The following CAPN10 variants were observed in gnomAD, a reference collection of about 807,000 sequenced individuals.
CAPN10 encodes the protein calpain-10.
CAPN10 carries 71 observed loss-of-function variants against 78.4 expected under a neutral mutation model. That is an observed-to-expected ratio of 0.91 (90% CI 0.75 to 1.10). The LOEUF (loss-of-function observed/expected upper bound fraction) is 1.10. CAPN10 is among the 50% of genes least tolerant of loss of function. CAPN10 has a pLI of 0.00. For synonymous variants in CAPN10, 437 were observed against 407.2 expected (o/e 1.07, Z -0.88); for missense variants, 849 against 924.6 (o/e 0.92, Z 1.06).
rs987378174 is a variant in CAPN10, at chr2:240,598,172, C to G, written c.1943+85C>G. 8 of 1,401,060 alleles carry G rather than the reference C, an allele frequency of 5.7e-6. No individual in the cohort carries two copies. In the African/African-American group the frequency reaches 7.1e-5, roughly 12 times the overall value. 86.8% of individuals were successfully genotyped at this position (1,401,060 alleles called of 1,614,324 possible). A position where few individuals can be genotyped will look rare whatever the true frequency, so the allele number is the denominator to read the frequency against. On this transcript the variant is annotated intron_variant, in intron 10 of 11. Transcript: ENST00000391984. ...TCGCCTGTCCCCCCACGTCTCCTGC[C>G]TGCCCCTCACCCTCAAGCCCCTATC... is the stretch of plus-strand genomic sequence containing the variant.
chr2:240,592,966 C>G (rs1217310082), intron 4 of CAPN10: 1 of 158,232 alleles, frequency 6.3e-6, no homozygotes, highest in Admixed American at 6.4e-5. Context: ...TAAACTGAAA[C>G]AAGTTGTCAT....
Position 240,599,007 on chromosome 2 carries a change from C to T in CAPN10, c.*327C>T, listed in dbSNP as rs923716242. ...TGACTCCATATGGAGGCCTCACACC[C>T]AGAGGGTAGGGCAGCAGATCTTCTT... On this transcript the variant is annotated 3_prime_UTR_variant, in exon 12 of 12. Coordinates refer to ENST00000391984, the MANE Select transcript of CAPN10 (RefSeq NM_023083.4). 1.1e-5 allele frequency: 5 copies of T among 467,056 alleles called. No homozygotes were observed. Among genetic ancestry groups the T allele is most frequent in the Non-Finnish European group, 1.5e-5 (4 of 260,276 alleles). 28.9% of individuals were successfully genotyped at this position (467,056 alleles called of 1,614,324 possible). A position where few individuals can be genotyped will look rare whatever the true frequency, so the allele number is the denominator to read the frequency against.
In CAPN10 at chr2:240,596,861, C is replaced by G. The variant is rs768412786; in HGVS notation, c.1662C>G (p.Pro554=). The change falls in exon 9 of 12, where the codon CCC becomes CCG. Residue 554 remains proline (P), a synonymous_variant. Coordinates refer to ENST00000391984, the MANE Select transcript of CAPN10 (RefSeq NM_023083.4). ...FPFSVPEGPG[P]RCVRITLHQH... Reference sequence around the variant, plus strand: ...TCTCGGTCCCCGAGGGCCCTGGCCCCCGCTGCGTCCGCATCACTCTGCATC... The same window carrying G: ...TCTCGGTCCCCGAGGGCCCTGGCCCGCGCTGCGTCCGCATCACTCTGCATC... 6.2e-7 allele frequency: 1 copy of G among 1,613,590 alleles called. No homozygotes were observed. The highest frequency in any genetic ancestry group is 1.7e-5 in the Admixed American group (1 of 60,022).
At chr2:240,597,518 C>T (rs1559427460) in intron 9 of CAPN10, among the ~76,000 whole-genome samples, 1 of 152,210 alleles carries the variant, frequency 6.6e-6, no homozygotes, top group Non-Finnish European at 1.5e-5. Flanking sequence ...CCTCGGTTCA[C>T]AGTGGGCTGC....
chr2:240,597,677 C>T (rs1228845103), intron 9 of CAPN10, among the ~76,000 whole-genome samples: 1 of 152,162 alleles, frequency 6.6e-6, no homozygotes, highest in African/African-American at 2.4e-5. Context: ...TGTGACAGGC[C>T]TCCAGGCGGG....
chr2:240,596,486 G>A lies in CAPN10; in HGVS notation c.1446G>A (p.Leu482=). The A allele has an allele frequency of 6.2e-7, 1 of 1,611,716 alleles. No homozygotes were observed. The highest frequency in any genetic ancestry group is 8.5e-7 in the Non-Finnish European group (1 of 1,178,390). The change falls in exon 8 of 12, where the codon CTG becomes CTA. Residue 482 remains leucine, a synonymous_variant. Transcript: ENST00000391984. ...TFLKDAPGEF[L]LRVFSTGRVS... ...TGAAGGACGCGCCAGGGGAGTTCCTGCTCCGAGTCTTCTCTACCGGGCGAG... is the reference window on the plus strand; with the variant it reads ...TGAAGGACGCGCCAGGGGAGTTCCTACTCCGAGTCTTCTCTACCGGGCGAG...
chr2:240,595,815 G>A, intron 7 of CAPN10: 1 of 625,116 alleles, frequency 1.6e-6, no homozygotes, highest in Non-Finnish European at 2.7e-6. Context: ...GGTTCACAAA[G>A]TGTGTTGTTT....
chr2:240,597,929 G>T lies in CAPN10; in HGVS notation c.1785G>T (p.Leu595=). The change falls in exon 10 of 12, where the codon CTG becomes CTT. Residue 595 remains leucine, a synonymous_variant. Transcript: ENST00000391984. Reference sequence around the variant, plus strand: ...GGAGCCAGGACGCACCCCCACTGCTGCTGCAGGAGCCGCTGCTGAGCTGCG... The same window carrying T: ...GGAGCCAGGACGCACCCCCACTGCTTCTGCAGGAGCCGCTGCTGAGCTGCG... ...GGRSQDAPPL[L]LQEPLLSCVP... 1 of 1,611,976 alleles carries T rather than the reference G, an allele frequency of 6.2e-7. No individual in the cohort carries two copies.
At position 240,596,388 on chromosome 2, in the gene CAPN10, G is replaced by C; in HGVS notation, c.1348G>C (p.Ala450Pro). 1.2e-6 allele frequency: 2 copies of C among 1,613,338 alleles called. No individual in the cohort carries two copies. The highest frequency in any genetic ancestry group is 1.7e-6 in the Non-Finnish European group (2 of 1,179,880). ...MPPVAGTACH[A>P]YDREVHLRCE... ...CCCCGTGGCTGGCACCGCGTGCCATGCATACGACCGGGAGGTCCACCTGCG... is the reference window on the plus strand; with the variant it reads ...CCCCGTGGCTGGCACCGCGTGCCATCCATACGACCGGGAGGTCCACCTGCG... The change falls in exon 8 of 12, where the codon GCA (alanine) becomes CCA (proline). Residue 450 changes from alanine to proline, a missense_variant. Physicochemically the swap from Ala to Pro is conservative, Grantham distance 27. Transcript: ENST00000391984.
At position 240,590,890 on chromosome 2, in the gene CAPN10, G is replaced by C. The variant is rs2093097648; in HGVS notation, c.349G>C (p.Gly117Arg). Reference sequence around the variant, plus strand: ...CTTCACCTGTCGCATTTGGCAGTTTGGACGCTGGGTGGAGGTGACCACAGA... The same window carrying C: ...CTTCACCTGTCGCATTTGGCAGTTTCGACGCTGGGTGGAGGTGACCACAGA... ...GSFTCRIWQFGRWVEVTTDDR... is the reference protein window; with the variant it reads ...GSFTCRIWQFRRWVEVTTDDR... Residue 117 changes from glycine to arginine, a missense_variant, in exon 3 of 12, where the codon GGA becomes CGA. Transcript: ENST00000391984. 6.2e-7 allele frequency: 1 copy of C among 1,614,108 alleles called. No homozygotes were observed. Among genetic ancestry groups the C allele is most frequent in the South Asian group, 1.1e-5 (1 of 91,094 alleles).
intron 2 of CAPN10, 143 bp downstream of exon 2, chr2:240,589,617 C>A: frequency 9.1e-7 from 1 of 1,095,718 alleles, no homozygotes; most frequent in Non-Finnish European, 1.3e-6. Context: ...CAGGAGAGTT[C>A]CAAGGCAGAG....
At position 240,598,894 on chromosome 2, in the gene CAPN10, G is replaced by A; in HGVS notation, c.*214G>A. 5.0e-6 allele frequency: 3 copies of A among 596,290 alleles called. No homozygotes were observed. Among genetic ancestry groups the A allele is most frequent in the South Asian group, 4.2e-5 (2 of 47,254 alleles). The allele number at this position is 596,290 out of a possible 1,614,324, so 36.9% of individuals were successfully genotyped here. A position where few individuals can be genotyped will look rare whatever the true frequency, so the allele number is the denominator to read the frequency against. On this transcript the variant is annotated 3_prime_UTR_variant, in exon 12 of 12. Transcript: ENST00000391984. Reference sequence around the variant, plus strand: ...GCCAGCTGGTGCTGCAAGGAAGGGTGGGAAGCTTGCTGGCTTCTGTTGCGC... The same window carrying A: ...GCCAGCTGGTGCTGCAAGGAAGGGTAGGAAGCTTGCTGGCTTCTGTTGCGC...
At chr2:240,592,513 C>T (rs1434035799) in intron 4 of CAPN10, 1 of 494,544 alleles carries the variant, frequency 2.0e-6, no homozygotes, top group Non-Finnish European at 4.1e-6. Context: ...AGTTTGTCTC[C>T]AAAAAATGAA....
intron 3 of CAPN10, 183 bp downstream of exon 3, chr2:240,591,194 T>G: frequency 1.7e-6 from 1 of 599,930 alleles, no homozygotes; most frequent in Non-Finnish European, 2.9e-6. Context: ...CTTTTGGGCC[T>G]GTGGATTGCC....
At position 240,591,976 on chromosome 2, in the gene CAPN10, G is replaced by C. The variant is rs569236143; in HGVS notation, c.514G>C (p.Asp172His). 1 of 1,613,590 alleles carries C rather than the reference G, an allele frequency of 6.2e-7. No individual in the cohort carries two copies. The highest frequency in any genetic ancestry group is 1.1e-5 in the South Asian group (1 of 91,014). ...GCACCTGTGGGCCGGGCAGGTGGCG[G>C]ATGCCCTGGTGGACCTGACCGGCGG... is the stretch of plus-strand genomic sequence containing the variant. Reference protein sequence around the residue: ...YEHLWAGQVADALVDLTGGLA... With the variant: ...YEHLWAGQVAHALVDLTGGLA... The change falls in exon 4 of 12, where the codon GAT becomes CAT. Residue 172 changes from aspartate to histidine, a missense_variant. By Grantham distance (81) the Asp-to-His change is moderately conservative (BLOSUM62 -1). Transcript: ENST00000391984.
chr2:240,590,552 C>T (rs1412017373), intron 2 of CAPN10: 1 of 445,124 alleles, frequency 2.2e-6, no homozygotes, highest in Non-Finnish European at 4.1e-6. Flanking sequence ...CAGGCGCCGA[C>T]ATCCAGGTGT....
chr2:240,594,185 C>A, intron 5 of CAPN10, 138 bp downstream of exon 5: 1 of 937,196 alleles, frequency 1.1e-6, no homozygotes, highest in Non-Finnish European at 1.5e-6. Context: ...GCTCTCGTGA[C>A]ACCATGCTTG....
Position 240,591,020 on chromosome 2 carries a change from G to T in CAPN10, c.470+9G>T. 1.2e-6 allele frequency: 2 copies of T among 1,612,202 alleles called. No individual in the cohort carries two copies. The highest frequency in any genetic ancestry group is 2.2e-5 in the East Asian group (1 of 44,830). ...GAAAAGGTCTACGCCAAGTGCGTGT[G>T]CTGGGGGCTGAAGGGCCTGGCCTGG... is the stretch of plus-strand genomic sequence containing the variant. On this transcript the variant is annotated intron_variant, in intron 3 of 11. Transcript: ENST00000391984.
At chr2:240,591,532 G>T (rs2093101929) in intron 3 of CAPN10, 1 of 266,406 alleles carries the variant, frequency 3.8e-6, no homozygotes, top group Non-Finnish European at 7.2e-6. Context: ...AGGCAGGGAA[G>T]CTGGTGAACA....
Sources: allele counts gnomAD v4.1 joint callset (sites outside exome capture counted in the v4.1 genomes callset), GRCh38; gene constraint gnomAD v4.1.1; transcripts MANE v1.5; gene names NCBI Gene and HGNC (gene_info 2026-07-23, HGNC 2026-07-21).